PCDHA6: variants seen among roughly 807,000 people sequenced by gnomAD.
PCDHA6 encodes the protein protocadherin alpha 6.
A neutral mutation model predicts 60.3 loss-of-function variants in PCDHA6; 55 were observed. The observed-to-expected ratio is 0.91, with a 90% CI of 0.73 to 1.14. The LOEUF (loss-of-function observed/expected upper bound fraction) is 1.14, where lower values mean the gene tolerates loss of function less well. Among genes scored for constraint, PCDHA6 ranks in the 50% most tolerant of loss-of-function variants. The pLI is 0.00. For missense variants in PCDHA6, 1,327 were observed against 1,256.5 expected, an observed-to-expected ratio of 1.06 and a Z score of -0.85; for synonymous variants, 652 against 557.9, an observed-to-expected ratio of 1.17 and a Z score of -2.38.
Position 140,829,741 on chromosome 5 carries a change from G to A in PCDHA6, c.1650G>A (p.Thr550=). The A allele has an allele frequency of 1.9e-6, 3 of 1,613,668 alleles. No homozygotes were observed. The South Asian group carries it at 3.3e-5, about 18-fold the overall frequency. The change falls in exon 1 of 4, where the codon ACG becomes ACA. Residue 550 remains threonine, a synonymous_variant. Transcript: ENST00000529310. ...TGCCGCCTCTGGGCAGCAACGTGACGCTGCAGGTGTTCGTGCTGGACGAGA... is the reference window on the plus strand; with the variant it reads ...TGCCGCCTCTGGGCAGCAACGTGACACTGCAGGTGTTCGTGCTGGACGAGA... ...AGVPPLGSNV[T]LQVFVLDEND...
intron 1 of PCDHA6, chr5:140,969,583 AG>A: frequency 1.1e-6 from 1 of 914,068 alleles, no homozygotes; most frequent in South Asian, 1.9e-5. Context: ...AGTGAGGATT[AG>A]TCTTAATATT....
chr5:140,991,317 T>C (rs2097444971), intron 3 of PCDHA6, among the ~76,000 whole-genome samples: 1 of 152,208 alleles, frequency 6.6e-6, no homozygotes, highest in Admixed American at 6.5e-5. Flanking sequence ...TCCCGCATGA[T>C]ACATGAAGGG....
intron 1 of PCDHA6, chr5:140,968,943 T>G (rs1429261485): frequency 1.2e-6 from 2 of 1,614,128 alleles, no homozygotes; most frequent in Non-Finnish European, 1.7e-6. Context: ...ATCATCATTT[T>G]GAGCATCATC....
intron 1 of PCDHA6, chr5:140,882,573 G>A (rs2059201802): frequency 2.5e-6 from 4 of 1,614,234 alleles, no homozygotes; most frequent in Non-Finnish European, 3.4e-6. Flanking sequence ...AGCGCGGAGT[G>A]CAGCATCCAC....
chr5:140,870,766 C>G, intron 1 of PCDHA6: 3 of 1,613,562 alleles, frequency 1.9e-6, no homozygotes, highest in South Asian at 1.1e-5. Context: ...GGTGTTCGTG[C>G]TGGACGAGAA....
chr5:140,927,191 T>C, intron 1 of PCDHA6: 16 of 1,614,144 alleles, frequency 9.9e-6, no homozygotes, highest in Non-Finnish European at 1.4e-5. Context: ...TACGACCTGG[T>C]GCTCGAGGAC....
At chr5:140,933,651 C>G (rs2089301034) in intron 1 of PCDHA6, among the ~76,000 whole-genome samples, 1 of 151,824 alleles carries the variant, frequency 6.6e-6, no homozygotes, top group South Asian at 2.1e-4. Flanking sequence ...GTTGGAAATC[C>G]TGTCTCTCTC....
chr5:140,842,740 C>T, intron 1 of PCDHA6: 2 of 1,595,054 alleles, frequency 1.3e-6, no homozygotes, highest in Non-Finnish European at 1.7e-6. Context: ...CGGGCTGCCA[C>T]ATCTTCACGG....
intron 3 of PCDHA6, among the ~76,000 whole-genome samples, chr5:140,986,945 C>G (rs1295830111): frequency 1.3e-5 from 2 of 151,946 alleles, no homozygotes; most frequent in Non-Finnish European, 2.9e-5. Context: ...TGGGTGTGGT[C>G]GCTCATGCCT....
At chr5:140,877,205 G>A in intron 1 of PCDHA6, 1 of 1,613,824 alleles carries the variant, frequency 6.2e-7, no homozygotes, top group South Asian at 1.1e-5. Flanking sequence ...GGCGCAGTTA[G>A]CGAGTTGGTA....
At position 140,969,169 on chromosome 5, in the gene PCDHA6, A is replaced by G. The variant is rs201735192; in HGVS notation, c.2395-9780A>G. 2.0e-5 allele frequency: 33 copies of G among 1,614,094 alleles called. No homozygotes were observed. In the Admixed American group the frequency reaches 5.5e-4, roughly 27 times the overall value. On this transcript the variant is annotated intron_variant, in intron 1 of 3. Transcript: ENST00000529310. The stretch of plus-strand genomic sequence containing the variant: ...ACAAGGCCTGTCTGACAGCAGGCTC[A>G]GGGAGTGACACTTTCATGTTTTACA...
chr5:140,870,413 C>T (rs200037363), intron 1 of PCDHA6: 2 of 1,614,242 alleles, frequency 1.2e-6, no homozygotes, highest in South Asian at 2.2e-5. Flanking sequence ...CTGTGGGCCA[C>T]GGCCAGGGTA....
intron 1 of PCDHA6, chr5:140,842,411 C>A (rs2150335386): frequency 1.9e-6 from 3 of 1,612,732 alleles, no homozygotes; most frequent in Non-Finnish European, 2.5e-6. Context: ...TGAAGACGCT[C>A]AATTTGGTAC....
At chr5:140,834,481 A>G in intron 1 of PCDHA6, 6 of 1,614,090 alleles carry the variant, frequency 3.7e-6, no homozygotes, top group Non-Finnish European at 5.1e-6. Flanking sequence ...CAGCTCCACT[A>G]CTCGGTCCCC....
At position 140,829,898 on chromosome 5, in the gene PCDHA6, T is replaced by C. The variant is rs2150177238; in HGVS notation, c.1807T>C (p.Tyr603His). 4 of 1,613,830 alleles carry C rather than the reference T, an allele frequency of 2.5e-6. No individual in the cohort carries two copies. The highest frequency in any genetic ancestry group is 2.7e-5 in the African/African-American group (2 of 74,940). Residue 603 changes from tyrosine to histidine, a missense_variant, in exon 1 of 4, where the codon TAC (tyrosine) becomes CAC (histidine). Coordinates refer to ENST00000529310, the MANE Select transcript of PCDHA6 (RefSeq NM_018909.4). ...KVRAVDADSG[Y>H]NAWLSYELQP... The stretch of plus-strand genomic sequence containing the variant: ...GCGCGCAGTTGACGCCGACTCAGGC[T>C]ACAACGCGTGGCTTTCGTATGAGCT...
intron 1 of PCDHA6, among the ~76,000 whole-genome samples, chr5:140,894,264 G>A (rs1231047220): frequency 1.3e-5 from 2 of 151,820 alleles, no homozygotes; most frequent in African/African-American, 4.8e-5. Flanking sequence ...ACAAGTGGTA[G>A]CTTATTTACA....
chr5:140,957,702 A>C (rs930331275), intron 1 of PCDHA6, among the ~76,000 whole-genome samples: 4 of 152,158 alleles, frequency 2.6e-5, no homozygotes, highest in Non-Finnish European at 5.9e-5. Context: ...AACATTATGT[A>C]GTTTTTATTA....
chr5:140,988,381 T>C (rs1554250091), intron 3 of PCDHA6, among the ~76,000 whole-genome samples: 3 of 152,158 alleles, frequency 2.0e-5, no homozygotes, highest in Admixed American at 6.5e-5. Flanking sequence ...GTGAAACTCA[T>C]TGTGTTTGCC....
intron 1 of PCDHA6, among the ~76,000 whole-genome samples, chr5:140,925,786 T>C (rs2082719026): frequency 1.3e-5 from 2 of 152,144 alleles, no homozygotes; most frequent in African/African-American, 4.8e-5. Context: ...CTAATGAGTA[T>C]CTCAGTACTT....
Sources: allele counts gnomAD v4.1 joint callset (sites outside exome capture counted in the v4.1 genomes callset), GRCh38; gene constraint gnomAD v4.1.1; transcripts MANE v1.5; gene names NCBI Gene and HGNC (gene_info 2026-07-23, HGNC 2026-07-21).